MYRIP: variants seen among roughly 807,000 people sequenced by gnomAD.
MYRIP encodes myosin VIIA and Rab interacting protein, also known as rab effector MyRIP.
Under a neutral mutation model 98.0 loss-of-function variants are expected in MYRIP, and 49 were observed. The observed-to-expected ratio is 0.50, with a 90% CI of 0.40 to 0.63. MYRIP has a LOEUF of 0.63. Among genes scored for constraint, MYRIP ranks in the 30% least tolerant of loss-of-function variants. The probability of loss-of-function intolerance (pLI) is 0.00; values close to 1 mark genes in which losing one functional copy is unlikely to be tolerated. For missense variants in MYRIP, 1,004 were observed against 1,058.2 expected, an observed-to-expected ratio of 0.95 and a Z score of 0.71; for synonymous variants, 404 against 409.5, an observed-to-expected ratio of 0.99 and a Z score of 0.16.
intron 1 of MYRIP, chr3:39,810,780 C>T (rs1206669271): frequency 1.3e-5 from 2 of 152,274 alleles, no homozygotes; most frequent in Non-Finnish European, 2.9e-5. Flanking sequence ...GCACCGTCCC[C>T]AAGGATAAGT....
chr3:40,212,225 TACACACACACACACACAC>T lies in MYRIP; in HGVS notation c.1905+2136_1905+2153del, dbSNP rs766775104. Among the ~76,000 whole-genome samples, 145 of 76,904 alleles carry T rather than the reference TACACACACACACACACAC, an allele frequency of 1.9e-3. 28 individuals are homozygous for T. Among genetic ancestry groups the T allele is most frequent in the Middle Eastern group, 6.0e-3 (1 of 168 alleles). The allele number at this position is 76,904 out of a possible 152,430, so 50.5% of individuals were successfully genotyped here. The stretch of plus-strand genomic sequence containing the variant: ...ATATACGTGTGTGTATATATATATA[TACACACACACACACACAC>T]ACATATATATATATACACGTATATA... On this transcript the variant is annotated intron_variant, in intron 11 of 16. Transcript: ENST00000302541.
chr3:39,894,391 A>T (rs76539917), intron 1 of MYRIP, among the ~76,000 whole-genome samples: 36 of 152,196 alleles, frequency 2.4e-4, no homozygotes, highest in African/African-American at 7.2e-4. Flanking sequence ...GGGATCATCC[A>T]TCTGACTTAC....
chr3:39,875,725 T>A (rs1305828083), intron 1 of MYRIP, among the ~76,000 whole-genome samples: 2 of 151,168 alleles, frequency 1.3e-5, no homozygotes, highest in Non-Finnish European at 3.0e-5. Flanking sequence ...ATAATTTCTG[T>A]TCTTTTACAT....
chr3:40,158,505 A>C (rs372412777), intron 4 of MYRIP, among the ~76,000 whole-genome samples: 1 of 152,064 alleles, frequency 6.6e-6, no homozygotes, highest in Non-Finnish European at 1.5e-5. Flanking sequence ...GTAGATGTCT[A>C]TTAGGTGTGC....
chr3:40,201,263 A>G (rs1951552326), intron 10 of MYRIP, among the ~76,000 whole-genome samples: 1 of 152,206 alleles, frequency 6.6e-6, no homozygotes, highest in East Asian at 1.9e-4. Flanking sequence ...TCTGGGGAAT[A>G]AGTGGTTGCC....
At chr3:40,116,273 A>G (rs1207076354) in intron 3 of MYRIP, among the ~76,000 whole-genome samples, 2 of 152,110 alleles carry the variant, frequency 1.3e-5, no homozygotes, top group African/African-American at 4.8e-5. Flanking sequence ...CACCTCCTCC[A>G]TGAGTTGTGT....
intron 3 of MYRIP, among the ~76,000 whole-genome samples, chr3:40,108,285 A>C (rs531540471): frequency 1.8e-5 from 1 of 55,756 alleles, no homozygotes; most frequent in Admixed American, 2.5e-4. Context: ...AAAAAGACAG[A>C]GTTTATAATT....
chr3:39,996,208 A>G (rs1260005914), intron 2 of MYRIP, among the ~76,000 whole-genome samples: 1 of 152,236 alleles, frequency 6.6e-6, no homozygotes, highest in Non-Finnish European at 1.5e-5. Flanking sequence ...TAAATGGACT[A>G]AATCCTCCAA....
chr3:40,137,731 G>A (rs945681388), intron 3 of MYRIP, among the ~76,000 whole-genome samples: 13 of 152,008 alleles, frequency 8.6e-5, no homozygotes, highest in African/African-American at 3.1e-4. Flanking sequence ...GTCCACTCCT[G>A]TACACTCAGT....
chr3:40,241,896 C>T (rs139624671), intron 12 of MYRIP, among the ~76,000 whole-genome samples: 1 of 152,132 alleles, frequency 6.6e-6, no homozygotes, highest in African/African-American at 2.4e-5. Flanking sequence ...TAGCATGTTA[C>T]CTTTTGTTAT....
intron 3 of MYRIP, among the ~76,000 whole-genome samples, chr3:40,146,282 T>C (rs1950009196): frequency 6.6e-6 from 1 of 152,196 alleles, no homozygotes; most frequent in East Asian, 1.9e-4. Context: ...CACAAAGGCC[T>C]GAATGAAGTG....
intron 2 of MYRIP, among the ~76,000 whole-genome samples, chr3:39,945,003 A>G (rs1255117348): frequency 9.9e-5 from 15 of 152,036 alleles, no homozygotes. Flanking sequence ...TGATTTTTCT[A>G]TTAGTTTCCT....
Position 39,957,444 on chromosome 3 carries a change from T to C in MYRIP, c.110+56518T>C, listed in dbSNP as rs150974907. On this transcript the variant is annotated intron_variant, in intron 2 of 16. Transcript: ENST00000302541. ...GACAAAAACCACATGATTATCTCAA[T>C]ACATGCAGAAAAGGCCTTCGAAAAA... Among the ~76,000 whole-genome samples the C allele has an allele frequency of 9.8e-3, 1,494 of 152,202 alleles. 29 individuals carry two copies. Among genetic ancestry groups the C allele is most frequent in the African/African-American group, 0.035 (1,434 of 41,500 alleles).
At chr3:40,167,790 A>G (rs1481476936) in intron 7 of MYRIP, among the ~76,000 whole-genome samples, 1 of 152,180 alleles carries the variant, frequency 6.6e-6, no homozygotes, top group African/African-American at 2.4e-5. Context: ...CACAGAACTC[A>G]GGAAAGTGCT....
At chr3:40,250,553 C>T in intron 15 of MYRIP, 54 bp downstream of exon 15, 1 of 1,586,270 alleles carries the variant, frequency 6.3e-7, no homozygotes, top group Non-Finnish European at 8.7e-7. Context: ...GAATCATTTA[C>T]TTTGGGTAAC....
At chr3:39,940,439 C>A (rs777482434) in intron 2 of MYRIP, among the ~76,000 whole-genome samples, 9 of 151,980 alleles carry the variant, frequency 5.9e-5, no homozygotes. Context: ...AACCTCAATT[C>A]TTTTTGCTCT....
chr3:40,004,686 C>T (rs9844945), intron 2 of MYRIP, among the ~76,000 whole-genome samples: 4,140 of 152,182 alleles, frequency 0.027, 194 homozygotes, highest in African/African-American at 0.093. Context: ...TATGCCTTTG[C>T]ATCCTCATAG....
chr3:39,823,004 C>CTT (rs1016566998), intron 1 of MYRIP, among the ~76,000 whole-genome samples: 20 of 143,090 alleles, frequency 1.4e-4, no homozygotes, highest in African/African-American at 4.9e-4. Context: ...GATGGCTTTG[C>CTT]TTTTCTTTTC....
intron 4 of MYRIP, among the ~76,000 whole-genome samples, chr3:40,155,580 A>G (rs1252855314): frequency 2.6e-5 from 4 of 151,640 alleles, no homozygotes; most frequent in Non-Finnish European, 5.9e-5. Flanking sequence ...GACTTCCACA[A>G]TGGTTGAACT....
Sources: gnomAD v4.1 joint callset for allele counts (sites outside exome capture counted in the v4.1 genomes callset) on GRCh38, gnomAD v4.1.1 for gene constraint, MANE v1.5 for transcripts, NCBI Gene and HGNC (gene_info 2026-07-23, HGNC 2026-07-21) for gene names.